Variants in ARHGAP39 observed in about 807,000 individuals in gnomAD.
ARHGAP39 encodes Rho GTPase activating protein 39.
Under a neutral mutation model 106.9 loss-of-function variants are expected in ARHGAP39, and 44 were observed. That is an observed-to-expected ratio of 0.41 (90% CI 0.32 to 0.53). ARHGAP39 has a LOEUF of 0.53. Ranked by LOEUF, ARHGAP39 falls within the 20% of genes least tolerant of loss-of-function variation. ARHGAP39 has a pLI of 0.21. For missense variants in ARHGAP39, 1,496 were observed against 1,577.3 expected, an observed-to-expected ratio of 0.95 and a Z score of 0.87; for synonymous variants, 768 against 693.2, an observed-to-expected ratio of 1.11 and a Z score of -1.69.
intron 1 of ARHGAP39, among the ~76,000 whole-genome samples, chr8:144,633,823 G>C (rs545270290): frequency 6.6e-6 from 1 of 152,150 alleles, no homozygotes; most frequent in South Asian, 2.1e-4. Flanking sequence ...ACTACAGCGC[G>C]TACCACCATG....
intron 1 of ARHGAP39, among the ~76,000 whole-genome samples, chr8:144,630,523 G>C (rs1821033985): frequency 6.6e-6 from 1 of 152,228 alleles, no homozygotes; most frequent in African/African-American, 2.4e-5. Context: ...GACATGCATG[G>C]TGTCCCCTCT....
chr8:144,693,002 G>A, the ARHGAP39 span, among the ~76,000 whole-genome samples: 1 of 149,084 alleles, frequency 6.7e-6, no homozygotes, highest in Non-Finnish European at 1.5e-5. Flanking sequence ...CAGGTGATCC[G>A]CCTGCCTCAG....
intron 1 of ARHGAP39, among the ~76,000 whole-genome samples, chr8:144,656,194 G>GAAA (rs58292458): frequency 9.7e-6 from 1 of 103,554 alleles, no homozygotes. Context: ...AGCAAATAAG[G>GAAA]AAAAAAAAAA....
At chr8:144,626,623 C>T (rs1351016361) in intron 1 of ARHGAP39, among the ~76,000 whole-genome samples, 1 of 152,200 alleles carries the variant, frequency 6.6e-6, no homozygotes, top group Non-Finnish European at 1.5e-5. Context: ...GGAGCACCCA[C>T]TGCACTGCAG....
chr8:144,685,478 C>G (rs1432197176), intron 1 of ARHGAP39, among the ~76,000 whole-genome samples: 8 of 148,994 alleles, frequency 5.4e-5, no homozygotes, highest in Admixed American at 3.3e-4. Context: ...GCCCCCCGCC[C>G]GGCCGGGCCC....
At position 144,684,815 on chromosome 8, in the gene ARHGAP39, C is replaced by T. The variant is rs984276484; in HGVS notation, c.-82+871G>A. 3.3e-5 allele frequency among the ~76,000 whole-genome samples: 5 copies of T among 152,194 alleles called. No individual in the cohort carries two copies. Among genetic ancestry groups the T allele is most frequent in the African/African-American group, 1.2e-4 (5 of 41,448 alleles). On this transcript the variant is annotated intron_variant, in intron 1 of 11. Transcript: ENST00000377307. This position sits in a 1 kb window ranked among gnomAD's most constrained non-coding sequence, Gnocchi z 4.4. ...GGCTCCGAGCGCCGGAGCCCCAGCCCGCGCCTGCCGCAGAGGCGAGGCCGC... is the reference window on the plus strand; with the variant it reads ...GGCTCCGAGCGCCGGAGCCCCAGCCTGCGCCTGCCGCAGAGGCGAGGCCGC...
chr8:144,561,568 C>CCCAGTGGTTTCCATCACACT, intron 3 of ARHGAP39, among the ~76,000 whole-genome samples: 1 of 139,048 alleles, frequency 7.2e-6, no homozygotes, highest in South Asian at 2.3e-4. Context: ...TCGATCGGAC[C>CCCAGTGGTTTCCATCACACT]CCAGTGGTTT....
intron 1 of ARHGAP39, among the ~76,000 whole-genome samples, chr8:144,678,737 G>A (rs1373132475): frequency 6.6e-6 from 1 of 152,228 alleles, no homozygotes; most frequent in African/African-American, 2.4e-5. Context: ...TCCCCTCCTA[G>A]TTGGGACAAC....
the ARHGAP39 span, among the ~76,000 whole-genome samples, chr8:144,695,883 T>G: frequency 1.3e-5 from 2 of 152,128 alleles, no homozygotes. Flanking sequence ...ATTGCATTCT[T>G]GGATGTGCTG....
intron 3 of ARHGAP39, among the ~76,000 whole-genome samples, chr8:144,567,604 G>A (rs1818445844): frequency 1.3e-5 from 2 of 152,210 alleles, no homozygotes; most frequent in South Asian, 4.1e-4. Flanking sequence ...ATCTCCCTGT[G>A]ATGCTGTGCT....
intron 1 of ARHGAP39, among the ~76,000 whole-genome samples, chr8:144,660,098 C>T (rs993248543): frequency 6.6e-6 from 1 of 152,214 alleles, no homozygotes; most frequent in Non-Finnish European, 1.5e-5. Context: ...CTGTCCACAG[C>T]ACATGCCACT....
intron 1 of ARHGAP39, among the ~76,000 whole-genome samples, chr8:144,650,098 G>A (rs1821537884): frequency 6.6e-6 from 1 of 151,924 alleles, no homozygotes; most frequent in Admixed American, 6.6e-5. Flanking sequence ...AGCTGAGATT[G>A]TGGCACTGCA....
chr8:144,622,542 G>C (rs1209785577), intron 1 of ARHGAP39, among the ~76,000 whole-genome samples: 1 of 152,116 alleles, frequency 6.6e-6, no homozygotes, highest in Admixed American at 6.5e-5. Context: ...TCTGGTGGGA[G>C]AAAAACACTC....
rs1564831584 is a variant in ARHGAP39 at position 144,531,214 on chromosome 8, T to TGCATTGCACAGGTAGGCCTCGGGGTGCCC, written c.2981-344_2981-343insGGGCACCCCGAGGCCTACCTGTGCAATGC. 5.0e-4 allele frequency among the ~76,000 whole-genome samples: 72 copies of TGCATTGCACAGGTAGGCCTCGGGGTGCCC among 143,912 alleles called. 1 individual carries two copies. The highest frequency in any genetic ancestry group is 1.8e-3 in the African/African-American group (67 of 37,070). 94.4% of individuals were successfully genotyped at this position (143,912 alleles called of 152,430 possible). A position where few individuals can be genotyped will look rare whatever the true frequency, so the allele number is the denominator to read the frequency against. ...AGAGAGCAGCAGGTGGGGAGTGGGC[T>TGCATTGCACAGGTAGGCCTCGGGGTGCCC]AGACATAGCAGGCACGGCAGAAGGG... On this transcript the variant is annotated intron_variant, in intron 10 of 11. Coordinates refer to ENST00000377307, the MANE Select transcript of ARHGAP39 (RefSeq NM_025251.3).
At chr8:144,608,150 C>G (rs1465569629) in intron 1 of ARHGAP39, among the ~76,000 whole-genome samples, 2 of 111,526 alleles carry the variant, frequency 1.8e-5, no homozygotes, top group Non-Finnish European at 3.3e-5. Flanking sequence ...GAGCAAGACT[C>G]TGTCTCAAAA....
rs1285974267 is a variant in ARHGAP39 at position 144,548,808 on chromosome 8, G to GT, written c.597-320dup. Among the ~76,000 whole-genome samples the GT allele has an allele frequency of 6.6e-6, 1 of 152,194 alleles. No individual in the cohort carries two copies. The highest frequency in any genetic ancestry group is 1.5e-5 in the Non-Finnish European group (1 of 68,026). Reference sequence around the variant, plus strand: ...GGCCCTTAATGTGGGTGCTGTGCGGGTGTCTCCAGAGCTGCCTGAGCCGCC... The same window carrying GT: ...GGCCCTTAATGTGGGTGCTGTGCGGGTTGTCTCCAGAGCTGCCTGAGCCGCC... On this transcript the variant is annotated intron_variant, in intron 4 of 11. Coordinates refer to ENST00000377307, the MANE Select transcript of ARHGAP39 (RefSeq NM_025251.3). The surrounding 1 kb of genome is among the most constrained non-coding windows in gnomAD (Gnocchi z 7.4).
the ARHGAP39 span, among the ~76,000 whole-genome samples, chr8:144,694,233 T>G: frequency 1.3e-5 from 2 of 152,068 alleles, no homozygotes; most frequent in Non-Finnish European, 2.9e-5. Flanking sequence ...GTGGCAGGCT[T>G]GGGGGAGCAG....
chr8:144,565,015 C>T (rs1447175366), intron 3 of ARHGAP39, among the ~76,000 whole-genome samples: 1 of 152,028 alleles, frequency 6.6e-6, no homozygotes, highest in Non-Finnish European at 1.5e-5. Context: ...GAGGCTGAGA[C>T]AGGAGACTCG....
Position 144,547,611 on chromosome 8 carries a change from C to T in ARHGAP39, c.1475G>A (p.Arg492His), listed in dbSNP as rs777563207. 59 of 1,488,418 alleles carry T rather than the reference C, an allele frequency of 4.0e-5. No homozygotes were observed. The highest frequency in any genetic ancestry group is 1.8e-4 in the Middle Eastern group (1 of 5,688). The allele number at this position is 1,488,418 out of a possible 1,614,324, so 92.2% of individuals were successfully genotyped here. The change falls in exon 5 of 12, where the codon CGC becomes CAC. Residue 492 changes from arginine to histidine, a missense_variant. By Grantham distance (29) the Arg-to-His change is conservative. Coordinates refer to ENST00000377307, the MANE Select transcript of ARHGAP39 (RefSeq NM_025251.3). The surrounding 1 kb of genome is among the most constrained non-coding windows in gnomAD (Gnocchi z 5.2). Reference sequence around the variant, plus strand: ...AGAGGGCTTTCTGCTCTTCCGCTTGCGCGTGCCCGGGGAGTAGCCTGTGGA... The same window carrying T: ...AGAGGGCTTTCTGCTCTTCCGCTTGTGCGTGCCCGGGGAGTAGCCTGTGGA... Reference protein sequence around the residue: ...LSSTGYSPGTRKRKSRKPSLC... With the variant: ...LSSTGYSPGTHKRKSRKPSLC...
Sources: gnomAD v4.1 joint callset for allele counts (sites outside exome capture counted in the v4.1 genomes callset) on GRCh38, gnomAD v4.1.1 for gene constraint, Gnocchi (gnomAD v3.1) non-coding constraint, MANE v1.5 for transcripts, NCBI Gene and HGNC (gene_info 2026-07-23, HGNC 2026-07-21) for gene names.